DPP10: variants seen among roughly 807,000 people sequenced by gnomAD.
DPP10 encodes inactive dipeptidyl peptidase 10.
DPP10 carries 33 observed loss-of-function variants against 120.9 expected under a neutral mutation model. The ratio of observed to expected loss-of-function variants is 0.27; its 90% CI spans 0.21 to 0.37. The LOEUF (loss-of-function observed/expected upper bound fraction) is 0.37. Ranked by LOEUF, DPP10 falls within the 10% of genes least tolerant of loss-of-function variation. DPP10 has a pLI of 1.00. For missense variants in DPP10, 816 were observed against 942.8 expected, an observed-to-expected ratio of 0.87 and a Z score of 1.76; for synonymous variants, 337 against 326.1, an observed-to-expected ratio of 1.03 and a Z score of -0.36.
chr2:114,828,627 A>G (rs1686777534), intron 1 of DPP10: 1 of 152,240 alleles, frequency 6.6e-6, no homozygotes, highest in African/African-American at 2.4e-5. Flanking sequence ...AATACATAAA[A>G]CAACACAAGT....
At chr2:115,303,458 A>G (rs2061230134) in intron 1 of DPP10, among the ~76,000 whole-genome samples, 1 of 151,940 alleles carries the variant, frequency 6.6e-6, no homozygotes. Flanking sequence ...TTTTATACAC[A>G]TTCTCTACTT....
chr2:114,958,043 G>A (rs1006100407), intron 1 of DPP10, among the ~76,000 whole-genome samples: 6 of 152,172 alleles, frequency 3.9e-5, no homozygotes, highest in African/African-American at 1.4e-4. Context: ...GCAATGAACA[G>A]TTTGCAAGCT....
chr2:115,637,337 G>A (rs2086424215), intron 5 of DPP10, among the ~76,000 whole-genome samples: 1 of 152,060 alleles, frequency 6.6e-6, no homozygotes, highest in African/African-American at 2.4e-5. Flanking sequence ...GTATACTATG[G>A]CTTTTGAGTA....
chr2:115,659,009 T>C (rs1238011560), intron 5 of DPP10, among the ~76,000 whole-genome samples: 2 of 152,162 alleles, frequency 1.3e-5, no homozygotes, highest in African/African-American at 4.8e-5. Flanking sequence ...AAGTGGGACC[T>C]TTCAGAGGCA....
chr2:115,402,766 T>C (rs1262157387), intron 3 of DPP10, among the ~76,000 whole-genome samples: 1 of 146,504 alleles, frequency 6.8e-6, no homozygotes, highest in African/African-American at 2.5e-5. Context: ...AACTGAAGTA[T>C]AAACAATGCT....
At chr2:115,760,418 G>A (rs1249297667) in intron 11 of DPP10, among the ~76,000 whole-genome samples, 1 of 152,176 alleles carries the variant, frequency 6.6e-6, no homozygotes, top group Non-Finnish European at 1.5e-5. Flanking sequence ...TGCCTTTTGA[G>A]AACCTCTGGG....
chr2:114,665,133 A>G (rs1341710139), intron 1 of DPP10, among the ~76,000 whole-genome samples: 1 of 152,230 alleles, frequency 6.6e-6, no homozygotes, highest in African/African-American at 2.4e-5. Flanking sequence ...CATAGTGGTC[A>G]AGGAAAAAAA....
chr2:114,725,874 G>A (rs764466246), intron 1 of DPP10, among the ~76,000 whole-genome samples: 1 of 152,134 alleles, frequency 6.6e-6, no homozygotes, highest in Non-Finnish European at 1.5e-5. Context: ...AAACCGAAAT[G>A]ACAAACCAAA....
intron 1 of DPP10, among the ~76,000 whole-genome samples, chr2:114,803,805 G>A (rs546615084): frequency 2.6e-5 from 4 of 152,298 alleles, no homozygotes; most frequent in African/African-American, 7.2e-5. Context: ...AAATTTTGCA[G>A]CCTGATTATG....
chr2:115,100,540 A>G (rs1485564893), intron 1 of DPP10, among the ~76,000 whole-genome samples: 2 of 152,078 alleles, frequency 1.3e-5, no homozygotes, highest in African/African-American at 4.8e-5. Flanking sequence ...ATATTTGTAT[A>G]TACGTATGTG....
At chr2:114,990,026 A>T (rs1700666419) in intron 1 of DPP10, among the ~76,000 whole-genome samples, 1 of 152,108 alleles carries the variant, frequency 6.6e-6, no homozygotes, top group African/African-American at 2.4e-5. Context: ...TGTTTTCCTG[A>T]TATTTGTTTC....
intron 3 of DPP10, among the ~76,000 whole-genome samples, chr2:115,428,317 A>T (rs931514664): frequency 4.6e-5 from 7 of 152,276 alleles, no homozygotes; most frequent in Non-Finnish European, 7.3e-5. Context: ...ACAATGCCCT[A>T]TGCCTTGGTA....
intron 1 of DPP10, among the ~76,000 whole-genome samples, chr2:115,012,523 T>C (rs1380197327): frequency 6.6e-6 from 1 of 152,166 alleles, no homozygotes; most frequent in Non-Finnish European, 1.5e-5. Context: ...TTTGCAGACA[T>C]GCCCCAGTAC....
At chr2:115,286,883 C>T (rs371363438) in intron 1 of DPP10, among the ~76,000 whole-genome samples, 12 of 151,952 alleles carry the variant, frequency 7.9e-5, no homozygotes, top group African/African-American at 2.9e-4. Context: ...TGTCACATGA[C>T]ACTGATATAC....
chr2:115,727,035 T>C (rs1286848277), intron 7 of DPP10, among the ~76,000 whole-genome samples: 1 of 152,160 alleles, frequency 6.6e-6, no homozygotes, highest in Non-Finnish European at 1.5e-5. Flanking sequence ...GTATTTGGCA[T>C]TGAAGACATT....
At chr2:115,119,071 C>T (rs997193102) in intron 1 of DPP10, among the ~76,000 whole-genome samples, 2 of 152,158 alleles carry the variant, frequency 1.3e-5, no homozygotes, top group Non-Finnish European at 2.9e-5. Context: ...CATTGGCATT[C>T]ATCTAGGGTT....
intron 1 of DPP10, among the ~76,000 whole-genome samples, chr2:115,038,849 G>T (rs889773997): frequency 5.3e-5 from 8 of 152,134 alleles, no homozygotes; most frequent in Non-Finnish European, 1.0e-4. Context: ...ACTTAAATAC[G>T]TATCTCTTTC....
At chr2:115,665,515 T>A (rs2089377472) in intron 5 of DPP10, among the ~76,000 whole-genome samples, 1 of 152,320 alleles carries the variant, frequency 6.6e-6, no homozygotes, top group African/African-American at 2.4e-5. Flanking sequence ...CAAAATTGAA[T>A]CTTATTGCAA....
intron 1 of DPP10, among the ~76,000 whole-genome samples, chr2:114,964,517 A>G (rs1161306884): frequency 6.6e-6 from 1 of 152,124 alleles, no homozygotes; most frequent in Non-Finnish European, 1.5e-5. Flanking sequence ...AGAAAGTGAC[A>G]TTTTATGCAA....
Sources: gnomAD v4.1 joint callset for allele counts (sites outside exome capture counted in the v4.1 genomes callset) on GRCh38, gnomAD v4.1.1 for gene constraint, MANE v1.5 for transcripts, NCBI Gene and HGNC (gene_info 2026-07-23, HGNC 2026-07-21) for gene names.